The following STK3 variants were observed in gnomAD, a reference collection of about 807,000 sequenced individuals.
STK3 encodes the protein serine/threonine-protein kinase 3.
In STK3, 41 loss-of-function variants were observed where a neutral mutation model predicts 58.0. The ratio of observed to expected loss-of-function variants is 0.71; its 90% confidence interval spans 0.55 to 0.92. The LOEUF (loss-of-function observed/expected upper bound fraction) is 0.92, where lower values mean the gene tolerates loss of function less well. STK3 is among the 40% of genes least tolerant of loss of function. The pLI, the probability that STK3 is intolerant of heterozygous loss-of-function variation, is 0.00. For synonymous variants in STK3, 170 were observed against 191.0 expected, an observed-to-expected ratio of 0.89 and a Z score of 0.91; for missense variants, 479 against 602.7, an observed-to-expected ratio of 0.79 and a Z score of 2.15.
At chr8:98,603,527 G>A (rs891263465) in intron 6 of STK3, among the ~76,000 whole-genome samples, 2 of 152,092 alleles carry the variant, frequency 1.3e-5, no homozygotes, top group Admixed American at 6.6e-5. Flanking sequence ...GTGAGCCACC[G>A]CACCTGGCCT....
intron 10 of STK3, among the ~76,000 whole-genome samples, chr8:98,495,457 T>G (rs1281563070): frequency 6.6e-6 from 1 of 152,130 alleles, no homozygotes. Flanking sequence ...GTTTTATAAA[T>G]AGTTCCATGT....
intron 1 of STK3, among the ~76,000 whole-genome samples, chr8:98,825,289 C>A (rs1397182704): frequency 1.3e-5 from 2 of 152,138 alleles, no homozygotes; most frequent in Non-Finnish European, 2.9e-5. Context: ...ACTTTCCACG[C>A]GCCAGGCCTG....
At chr8:98,478,059 T>C (rs1489863054) in intron 10 of STK3, among the ~76,000 whole-genome samples, 1 of 152,148 alleles carries the variant, frequency 6.6e-6, no homozygotes, top group East Asian at 1.9e-4. Flanking sequence ...GACAGACCCC[T>C]GGGCTATGTG....
chr8:98,633,670 T>C, intron 6 of STK3: 1 of 703,020 alleles, frequency 1.4e-6, no homozygotes, highest in South Asian at 1.5e-5. Flanking sequence ...GTACAGAAAC[T>C]CTTTATGTAC....
chr8:98,562,055 C>T (rs868139474), intron 8 of STK3, among the ~76,000 whole-genome samples: 15 of 152,098 alleles, frequency 9.9e-5, no homozygotes, highest in Non-Finnish European at 7.4e-5. Context: ...AACTCTCATT[C>T]CTTGGTTAGT....
intron 3 of STK3, among the ~76,000 whole-genome samples, chr8:98,419,848 C>T (rs576511294): frequency 3.3e-5 from 5 of 152,152 alleles, no homozygotes; most frequent in African/African-American, 4.8e-5. Flanking sequence ...GACCTGGCCT[C>T]GAAAGCATCT....
chr8:98,557,503 G>A (rs767351576), intron 8 of STK3, among the ~76,000 whole-genome samples: 5 of 152,014 alleles, frequency 3.3e-5, no homozygotes, highest in Non-Finnish European at 7.4e-5. Flanking sequence ...ATTGCCCACA[G>A]TAGATCAACT....
At chr8:98,788,838 G>A (rs1318533711) in intron 1 of STK3, among the ~76,000 whole-genome samples, 1 of 152,170 alleles carries the variant, frequency 6.6e-6, no homozygotes, top group Non-Finnish European at 1.5e-5. Flanking sequence ...TCCACTGACA[G>A]CACTAGACAG....
chr8:98,623,913 T>C (rs1818517291), intron 6 of STK3, among the ~76,000 whole-genome samples: 1 of 152,334 alleles, frequency 6.6e-6, no homozygotes, highest in South Asian at 2.1e-4. Context: ...ACTCCAGAAC[T>C]GTAAGAAAAT....
chr8:98,587,385 A>G (rs1814732739), intron 7 of STK3, among the ~76,000 whole-genome samples: 1 of 152,044 alleles, frequency 6.6e-6, no homozygotes, highest in Admixed American at 6.5e-5. Context: ...CAGGTTGTTC[A>G]GTTTCCATGT....
intron 3 of STK3, chr8:98,430,823 A>C (rs1171180744): frequency 6.0e-6 from 1 of 167,084 alleles, no homozygotes; most frequent in East Asian, 1.9e-4. Context: ...TAAACTTGAA[A>C]AGCTTAATGC....
intron 1 of STK3, among the ~76,000 whole-genome samples, chr8:98,902,662 C>A (rs1587824146): frequency 6.6e-6 from 1 of 152,210 alleles, no homozygotes; most frequent in African/African-American, 2.4e-5. Flanking sequence ...TCACCCTGAG[C>A]CCTCCATATG....
intron 10 of STK3, among the ~76,000 whole-genome samples, chr8:98,519,165 A>G (rs1307246670): frequency 6.6e-6 from 1 of 152,166 alleles, no homozygotes; most frequent in Non-Finnish European, 1.5e-5. Flanking sequence ...TGTAGAGAAC[A>G]AGCAGTTCTT....
intron 3 of STK3, chr8:98,430,918 C>T (rs187175955): frequency 3.6e-5 from 6 of 167,230 alleles, no homozygotes; most frequent in Admixed American, 2.6e-4. Context: ...TCCTCTTGTT[C>T]GGTTAACCAG....
chr8:98,702,423 A>T (rs1825693196), intron 6 of STK3, among the ~76,000 whole-genome samples: 1 of 152,192 alleles, frequency 6.6e-6, no homozygotes, highest in Non-Finnish European at 1.5e-5. Context: ...TCAGACTATG[A>T]CACCCTAAAT....
At chr8:98,355,818 T>C in the STK3 span, among the ~76,000 whole-genome samples, 1 of 152,168 alleles carries the variant, frequency 6.6e-6, no homozygotes, top group South Asian at 2.1e-4. Flanking sequence ...GCTTTCTGGA[T>C]GGGTAGAATT....
intron 4 of STK3, among the ~76,000 whole-genome samples, chr8:98,711,580 G>C (rs1369897690): frequency 1.3e-5 from 2 of 152,106 alleles, no homozygotes; most frequent in African/African-American, 4.8e-5. Context: ...GAGAAGTTTA[G>C]AGAAAAAAGA....
chr8:98,570,503 T>C (rs1812873907), intron 8 of STK3, among the ~76,000 whole-genome samples: 1 of 152,110 alleles, frequency 6.6e-6, no homozygotes, highest in African/African-American at 2.4e-5. Context: ...CCAAACATAT[T>C]TGACCAGTTA....
At chr8:98,798,063 C>T (rs970993692) in intron 1 of STK3, among the ~76,000 whole-genome samples, 3 of 152,098 alleles carry the variant, frequency 2.0e-5, no homozygotes, top group African/African-American at 4.8e-5. Flanking sequence ...GAGACTTCAC[C>T]TTCATGGCTA....
Sources: allele counts gnomAD v4.1 joint callset (sites outside exome capture counted in the v4.1 genomes callset), GRCh38; gene constraint gnomAD v4.1.1; transcripts MANE v1.5; gene names NCBI Gene and HGNC (gene_info 2026-07-23, HGNC 2026-07-21).